OPCML: variants seen among roughly 807,000 people sequenced by gnomAD.
OPCML encodes opioid-binding protein/cell adhesion molecule.
In OPCML, 13 loss-of-function variants were observed where a neutral mutation model predicts 37.8. That is an observed-to-expected ratio of 0.34 (90% CI 0.22 to 0.55). The LOEUF is 0.55. Ranked by LOEUF, OPCML falls within the 20% of genes least tolerant of loss-of-function variation. The pLI is 0.91. For missense variants in OPCML, 341 were observed against 435.6 expected, an observed-to-expected ratio of 0.78 and a Z score of 1.93; for synonymous variants, 176 against 168.8, an observed-to-expected ratio of 1.04 and a Z score of -0.33.
At chr11:132,965,598 T>C in intron 1 of OPCML, among the ~76,000 whole-genome samples, 1 of 152,208 alleles carries the variant, frequency 6.6e-6, no homozygotes, top group East Asian at 1.9e-4. Flanking sequence ...AGTGGTGTGA[T>C]CTTGGCTCAC....
intron 1 of OPCML, among the ~76,000 whole-genome samples, chr11:133,333,997 T>C (rs546848963): frequency 6.6e-6 from 1 of 152,310 alleles, no homozygotes; most frequent in Admixed American, 6.5e-5. Flanking sequence ...AAATAACAGA[T>C]GCTGGTGAGG....
chr11:133,223,458 C>T (rs1939917254), intron 1 of OPCML, among the ~76,000 whole-genome samples: 1 of 152,078 alleles, frequency 6.6e-6, no homozygotes. Flanking sequence ...GCCTCTAATC[C>T]TTTCCTCTGC....
intron 1 of OPCML, among the ~76,000 whole-genome samples, chr11:133,178,362 T>A (rs1412072106): frequency 1.3e-5 from 2 of 152,096 alleles, no homozygotes; most frequent in African/African-American, 4.8e-5. Flanking sequence ...CTGGGGGACA[T>A]GGTTCGCAGT....
chr11:132,484,050 A>G (rs1284637347), intron 4 of OPCML, among the ~76,000 whole-genome samples: 1 of 152,214 alleles, frequency 6.6e-6, no homozygotes, highest in Non-Finnish European at 1.5e-5. Flanking sequence ...TGGCAACAAA[A>G]GCCAAAATTG....
intron 1 of OPCML, among the ~76,000 whole-genome samples, chr11:132,949,889 T>C (rs1945821856): frequency 1.3e-5 from 2 of 152,300 alleles, no homozygotes; most frequent in South Asian, 2.1e-4. Context: ...CTACAAGCTA[T>C]ACATTAAGAA....
chr11:132,920,125 A>C (rs2136578289), intron 2 of OPCML, among the ~76,000 whole-genome samples: 1 of 152,378 alleles, frequency 6.6e-6, no homozygotes, highest in Non-Finnish European at 1.5e-5. Flanking sequence ...GTACATTTTT[A>C]AAGAGTGGAT....
intron 1 of OPCML, among the ~76,000 whole-genome samples, chr11:132,995,550 G>A (rs998641425): frequency 6.6e-6 from 1 of 151,764 alleles, no homozygotes; most frequent in African/African-American, 2.4e-5. Flanking sequence ...TTGAAGGAGA[G>A]CAGGGAAATA....
intron 1 of OPCML, among the ~76,000 whole-genome samples, chr11:133,383,638 A>G (rs549086700): frequency 6.6e-6 from 1 of 152,314 alleles, no homozygotes; most frequent in Non-Finnish European, 1.5e-5. Flanking sequence ...TCAAGCATGA[A>G]TAACGTGCGT....
At chr11:133,121,285 GCA>G (rs1376919359) in intron 1 of OPCML, among the ~76,000 whole-genome samples, 4 of 152,104 alleles carry the variant, frequency 2.6e-5, no homozygotes, top group African/African-American at 7.2e-5. Context: ...ATCTATAACT[GCA>G]CAGAGTCACT....
At chr11:132,858,616 G>A (rs1431978410) in intron 2 of OPCML, among the ~76,000 whole-genome samples, 1 of 152,110 alleles carries the variant, frequency 6.6e-6, no homozygotes. Context: ...TTTGGCTCAG[G>A]TATCAGAAAT....
At position 132,420,026 on chromosome 11, in the gene OPCML, AGCTGG is replaced by A; in HGVS notation, c.*162_*166del. 3 of 557,876 alleles carry A rather than the reference AGCTGG, an allele frequency of 5.4e-6. No homozygotes were observed. Among genetic ancestry groups the A allele is most frequent in the Non-Finnish European group, 6.3e-6 (2 of 316,488 alleles). The allele number at this position is 557,876 out of a possible 1,614,324, so 34.6% of individuals were successfully genotyped here. ...CCCCGCCCCCAACCCCACTCATTCA[AGCTGG>A]AAATAAAAGCAAACAAACAAATAAA... is the stretch of plus-strand genomic sequence containing the variant. On this transcript the variant is annotated 3_prime_UTR_variant, in exon 8 of 8. Transcript: ENST00000524381.
At chr11:133,447,027 C>G (rs1378439762) in intron 1 of OPCML, among the ~76,000 whole-genome samples, 2 of 152,148 alleles carry the variant, frequency 1.3e-5, no homozygotes, top group Admixed American at 1.3e-4. Flanking sequence ...CATATCTTTT[C>G]ATTTATCTTA....
intron 1 of OPCML, among the ~76,000 whole-genome samples, chr11:133,314,985 C>CGTGTGCGTGT (rs1555138363): frequency 6.6e-6 from 1 of 151,474 alleles, no homozygotes; most frequent in Non-Finnish European, 1.5e-5. Context: ...AGTGTGTGTG[C>CGTGTGCGTGT]GTGTGTGTGT....
At chr11:133,224,574 C>T (rs1296759436) in intron 1 of OPCML, among the ~76,000 whole-genome samples, 1 of 152,244 alleles carries the variant, frequency 6.6e-6, no homozygotes, top group Non-Finnish European at 1.5e-5. Context: ...CCTGCCTGAA[C>T]CCAGCCCAAA....
intron 1 of OPCML, among the ~76,000 whole-genome samples, chr11:133,287,875 G>T (rs1397587611): frequency 6.6e-6 from 1 of 152,198 alleles, no homozygotes; most frequent in Non-Finnish European, 1.5e-5. Context: ...CTGAAATTTG[G>T]ATTGCATCTT....
At chr11:132,716,773 T>C (rs555174716) in intron 2 of OPCML, among the ~76,000 whole-genome samples, 39 of 152,308 alleles carry the variant, frequency 2.6e-4, no homozygotes, top group Non-Finnish European at 4.7e-4. Context: ...AACTGAAGGA[T>C]CATTTATTAA....
At chr11:132,625,918 T>A (rs1939713225) in intron 3 of OPCML, among the ~76,000 whole-genome samples, 1 of 152,138 alleles carries the variant, frequency 6.6e-6, no homozygotes, top group African/African-American at 2.4e-5. Flanking sequence ...CTATAGGCTG[T>A]CTTCTCCATG....
At position 132,847,163 on chromosome 11, in the gene OPCML, G is replaced by T. The variant is rs568024954; in HGVS notation, c.146+95763C>A. Among the ~76,000 whole-genome samples, 3 of 152,228 alleles carry T rather than the reference G, an allele frequency of 2.0e-5. No homozygotes were observed. In the South Asian group the frequency reaches 6.2e-4, roughly 32 times the overall value. On this transcript the variant is annotated intron_variant, in intron 2 of 7. Transcript: ENST00000524381. ...GATCATCGACCCGTGACAACTGAAG[G>T]TATCTTGCTGCATTCTCATCCTCAA...
At chr11:132,586,007 C>T (rs1292380255) in intron 3 of OPCML, among the ~76,000 whole-genome samples, 1 of 152,090 alleles carries the variant, frequency 6.6e-6, no homozygotes, top group Non-Finnish European at 1.5e-5. Flanking sequence ...TTACACCTGC[C>T]TTCTAGAAGG....
Sources: allele counts gnomAD v4.1 joint callset (sites outside exome capture counted in the v4.1 genomes callset), GRCh38; gene constraint gnomAD v4.1.1; transcripts MANE v1.5; gene names NCBI Gene and HGNC (gene_info 2026-07-23, HGNC 2026-07-21).